ZNF804A: variants seen among roughly 807,000 people sequenced by gnomAD.
The protein encoded by ZNF804A is zinc finger protein 804A.
ZNF804A carries 2 observed loss-of-function variants against 16.5 expected under a neutral mutation model. That is an observed-to-expected ratio of 0.12 (90% CI 0.05 to 0.38). The LOEUF (loss-of-function observed/expected upper bound fraction) is 0.38, where lower values mean the gene tolerates loss of function less well. ZNF804A is among the 10% of genes least tolerant of loss of function. ZNF804A has a pLI of 0.99. For missense variants in ZNF804A, 1,473 were observed against 1,390.7 expected (o/e 1.06, Z -0.94); for synonymous variants, 534 against 489.6 (o/e 1.09, Z -1.20).
chr2:184,792,567 A>T (rs10931151), intron 1 of ZNF804A, among the ~76,000 whole-genome samples: 11,399 of 152,074 alleles, frequency 0.075, 1,450 homozygotes, highest in African/African-American at 0.26. Flanking sequence ...ATTCTCTTGA[A>T]TTTCTTTATC....
At chr2:184,864,288 C>T (rs905868156) in intron 1 of ZNF804A, among the ~76,000 whole-genome samples, 2 of 152,028 alleles carry the variant, frequency 1.3e-5, no homozygotes, top group African/African-American at 4.8e-5. Context: ...TTTTTAACAA[C>T]CAACTCTCAA....
At chr2:184,699,982 A>C (rs1259408197) in intron 1 of ZNF804A, among the ~76,000 whole-genome samples, 2 of 152,062 alleles carry the variant, frequency 1.3e-5, no homozygotes, top group Non-Finnish European at 2.9e-5. Context: ...TGCCTCTAAG[A>C]GCAGTGCAAG....
chr2:184,938,249 T>G lies in ZNF804A; in HGVS notation c.2853T>G (p.Pro951=), dbSNP rs780021118. 6.2e-6 allele frequency: 10 copies of G among 1,613,936 alleles called. No homozygotes were observed. In the South Asian group the frequency reaches 1.1e-4, roughly 18 times the overall value. ...TAAATCTTAATGAAAAGCAAATTCC[T>G]TTTCAGGTGCCTAATATTGAAAGGA... The part of the protein sequence containing the change: ...ENINLNEKQI[P]FQVPNIERNF... The change falls in exon 4 of 4, where the codon CCT becomes CCG. Residue 951 remains proline, a synonymous_variant. Transcript: ENST00000302277.
chr2:184,645,992 G>A (rs1236237027), intron 1 of ZNF804A, among the ~76,000 whole-genome samples: 3 of 152,096 alleles, frequency 2.0e-5, no homozygotes, highest in Non-Finnish European at 4.4e-5. Flanking sequence ...CTCAAGTCCT[G>A]GAGTGAACTT....
chr2:184,658,184 G>C (rs1414225112), intron 1 of ZNF804A, among the ~76,000 whole-genome samples: 3 of 152,132 alleles, frequency 2.0e-5, no homozygotes, highest in African/African-American at 7.2e-5. Flanking sequence ...ATAACACTGA[G>C]AAGTTTTTTT....
intron 1 of ZNF804A, among the ~76,000 whole-genome samples, chr2:184,787,171 A>C (rs1473980189): frequency 1.3e-5 from 2 of 151,866 alleles, no homozygotes; most frequent in Non-Finnish European, 2.9e-5. Flanking sequence ...GTTCATTCTT[A>C]CACTTTGTTT....
chr2:184,771,659 T>C (rs1158090202), intron 1 of ZNF804A, among the ~76,000 whole-genome samples: 1 of 151,860 alleles, frequency 6.6e-6, no homozygotes, highest in Non-Finnish European at 1.5e-5. Context: ...TGGATAAAAG[T>C]CTACTCCCAA....
chr2:184,708,996 C>A (rs1264524138), intron 1 of ZNF804A, among the ~76,000 whole-genome samples: 1 of 152,130 alleles, frequency 6.6e-6, no homozygotes, highest in African/African-American at 2.4e-5. Flanking sequence ...TCAGCTCTCT[C>A]CAGTCACATG....
chr2:184,624,022 T>C (rs1197668036), intron 1 of ZNF804A, among the ~76,000 whole-genome samples: 11 of 152,176 alleles, frequency 7.2e-5, no homozygotes, highest in South Asian at 6.2e-4. Context: ...TTCTTAGGTA[T>C]GTCTGGCTTT....
intron 1 of ZNF804A, among the ~76,000 whole-genome samples, chr2:184,824,671 G>A (rs1695132428): frequency 1.3e-5 from 2 of 151,994 alleles, no homozygotes; most frequent in African/African-American, 4.8e-5. Context: ...TGTAATTCTG[G>A]ATTCTTTGGG....
intron 2 of ZNF804A, among the ~76,000 whole-genome samples, chr2:184,868,757 C>T (rs1695923764): frequency 2.0e-5 from 3 of 151,928 alleles, no homozygotes; most frequent in Admixed American, 1.3e-4. Context: ...CAGATCCTGT[C>T]CTTGAGTTTT....
chr2:184,935,997 G>A lies in ZNF804A; in HGVS notation c.601G>A (p.Gly201Arg), dbSNP rs780213451. 3 of 1,614,016 alleles carry A rather than the reference G, an allele frequency of 1.9e-6. No individual in the cohort carries two copies. The Middle Eastern group carries it at 5.0e-4, about 266-fold the overall frequency. ...TTATACAGCAAAAAATAACCAAGTT[G>A]GGGATCAAGCCCAGGGGATTCACAG... Reference protein sequence around the residue: ...NNYTAKNNQVGDQAQGIHRHK... With the variant: ...NNYTAKNNQVRDQAQGIHRHK... Residue 201 changes from glycine to arginine, a missense_variant, in exon 4 of 4, where the codon GGG becomes AGG. Transcript: ENST00000302277.
intron 1 of ZNF804A, among the ~76,000 whole-genome samples, chr2:184,853,208 C>A (rs551232424): frequency 3.3e-5 from 5 of 151,822 alleles, no homozygotes; most frequent in African/African-American, 1.2e-4. Context: ...AAATTGTTTT[C>A]TTACTTTCTG....
intron 1 of ZNF804A, among the ~76,000 whole-genome samples, chr2:184,700,031 CTAA>C (rs1467272346): frequency 7.9e-5 from 12 of 152,054 alleles, no homozygotes; most frequent in Non-Finnish European, 1.6e-4. Context: ...ATTTATACCA[CTAA>C]TGTGTTTAAG....
At chr2:184,857,993 T>TGTTAATTG (rs992896974) in intron 1 of ZNF804A, among the ~76,000 whole-genome samples, 8 of 152,152 alleles carry the variant, frequency 5.3e-5, no homozygotes, top group African/African-American at 1.9e-4. Context: ...GCTGTCTTCC[T>TGTTAATTG]GTTAATTGTT....
chr2:184,653,999 C>T (rs761330335), intron 1 of ZNF804A, among the ~76,000 whole-genome samples: 8 of 152,150 alleles, frequency 5.3e-5, no homozygotes, highest in Non-Finnish European at 8.8e-5. Flanking sequence ...CAACTGTGAC[C>T]AGTTATCATT....
At chr2:184,753,249 C>T (rs1693902839) in intron 1 of ZNF804A, among the ~76,000 whole-genome samples, 1 of 151,506 alleles carries the variant, frequency 6.6e-6, no homozygotes, top group South Asian at 2.1e-4. Context: ...TATGTATTTA[C>T]AAAATGAGGC....
At chr2:184,717,534 G>A (rs1247781553) in intron 1 of ZNF804A, among the ~76,000 whole-genome samples, 1 of 152,160 alleles carries the variant, frequency 6.6e-6, no homozygotes, top group Admixed American at 6.6e-5. Context: ...GGAGAGAAGA[G>A]AGATACTGTG....
At chr2:184,885,236 T>C (rs935606800) in intron 2 of ZNF804A, among the ~76,000 whole-genome samples, 2 of 152,214 alleles carry the variant, frequency 1.3e-5, no homozygotes, top group Non-Finnish European at 2.9e-5. Flanking sequence ...TATACACTGC[T>C]CGTATGAAGG....
Sources: gnomAD v4.1 joint callset for allele counts (sites outside exome capture counted in the v4.1 genomes callset) on GRCh38, gnomAD v4.1.1 for gene constraint, MANE v1.5 for transcripts, NCBI Gene and HGNC (gene_info 2026-07-23, HGNC 2026-07-21) for gene names.